Variants in AKR1D1 observed in about 807,000 individuals in gnomAD.
The protein encoded by AKR1D1 is delta(4)-3-ketosteroid 5-beta-reductase.
In AKR1D1, 32 loss-of-function variants were observed where a neutral mutation model predicts 42.6. The ratio of observed to expected loss-of-function variants is 0.75; its 90% confidence interval spans 0.57 to 1.01. The LOEUF is 1.01. Among genes scored for constraint, AKR1D1 ranks in the 50% least tolerant of loss-of-function variants. The pLI is 0.00. For synonymous variants in AKR1D1, 123 were observed against 135.5 expected, an observed-to-expected ratio of 0.91 and a Z score of 0.64; for missense variants, 364 against 402.2, an observed-to-expected ratio of 0.91 and a Z score of 0.81.
intron 4 of AKR1D1, among the ~76,000 whole-genome samples, chr7:138,101,178 T>A (rs1359711326): frequency 4.5e-5 from 1 of 22,408 alleles, no homozygotes; most frequent in African/African-American, 2.1e-4. Context: ...CCTCCCTCCC[T>A]CCCTCCCTCC....
chr7:138,102,288 GC>G (rs1392193549), intron 4 of AKR1D1, among the ~76,000 whole-genome samples: 7 of 128,364 alleles, frequency 5.5e-5, no homozygotes, highest in Non-Finnish European at 1.1e-4. Flanking sequence ...AAGAGCAATA[GC>G]CAAGCACAGT....
At chr7:138,082,072 C>T (rs983294959) in intron 1 of AKR1D1, among the ~76,000 whole-genome samples, 35 of 152,174 alleles carry the variant, frequency 2.3e-4, no homozygotes, top group African/African-American at 8.2e-4. Context: ...GCAGCTTCTG[C>T]GTCATTTTCA....
Position 138,076,481 on chromosome 7 carries a change from T to C in AKR1D1, c.-38T>C. The C allele has an allele frequency of 6.5e-7, 1 of 1,547,868 alleles. No individual in the cohort carries two copies. The highest frequency in any genetic ancestry group is 8.9e-7 in the Non-Finnish European group (1 of 1,120,300). ...GACACCTTTCTAAAAAGACTCCCTG[T>C]GGTGTTCAGAATCACTCCTACAGTC... is the stretch of plus-strand genomic sequence containing the variant. On this transcript the variant is annotated 5_prime_UTR_variant, in exon 1 of 9. Coordinates refer to ENST00000242375, the MANE Select transcript of AKR1D1 (RefSeq NM_005989.4).
intron 1 of AKR1D1, among the ~76,000 whole-genome samples, chr7:138,081,108 T>C (rs1803047229): frequency 6.6e-6 from 1 of 152,210 alleles, no homozygotes; most frequent in African/African-American, 2.4e-5. Context: ...CAGCCTTACA[T>C]AGTATATCTA....
intron 4 of AKR1D1, among the ~76,000 whole-genome samples, chr7:138,103,091 A>G (rs1794349550): frequency 6.6e-6 from 1 of 152,192 alleles, no homozygotes; most frequent in African/African-American, 2.4e-5. Context: ...TAACTCACCA[A>G]ACTAGAAGGC....
At chr7:138,088,563 T>G (rs1793984310) in intron 1 of AKR1D1, 38 bp from the exon 2 acceptor site, 1 of 1,609,244 alleles carries the variant, frequency 6.2e-7, no homozygotes, top group Non-Finnish European at 8.5e-7. Context: ...GAAAGACCAT[T>G]TCTCTTTTCC....
At chr7:138,093,640 A>T (rs1794129247) in intron 3 of AKR1D1, among the ~76,000 whole-genome samples, 1 of 152,200 alleles carries the variant, frequency 6.6e-6, no homozygotes, top group African/African-American at 2.4e-5. Flanking sequence ...CCCTCCTGAA[A>T]GACCTGCCTG....
At chr7:138,083,015 T>C (rs1803089027) in intron 1 of AKR1D1, among the ~76,000 whole-genome samples, 1 of 152,246 alleles carries the variant, frequency 6.6e-6, no homozygotes, top group Non-Finnish European at 1.5e-5. Context: ...CCTTTGGATA[T>C]ATACCCTGAA....
At chr7:138,116,449 G>A (rs1473348718) in intron 8 of AKR1D1, among the ~76,000 whole-genome samples, 171 bp from the exon 9 acceptor site, 1 of 152,184 alleles carries the variant, frequency 6.6e-6, no homozygotes, top group Admixed American at 6.5e-5. Flanking sequence ...AGAGCTTCAG[G>A]AAAAGGTGCT....
chr7:138,117,236 G>T lies in AKR1D1; in HGVS notation c.*574G>T, dbSNP rs1585746807. The T allele has an allele frequency of 6.5e-6, 1 of 153,118 alleles. No homozygotes were observed. The highest frequency in any genetic ancestry group is 1.5e-5 in the Non-Finnish European group (1 of 68,390). The allele number at this position is 153,118 out of a possible 1,614,324, so 9.5% of individuals were successfully genotyped here. On this transcript the variant is annotated 3_prime_UTR_variant, in exon 9 of 9. Coordinates refer to ENST00000242375, the MANE Select transcript of AKR1D1 (RefSeq NM_005989.4). ...TGGTCAACAAAGCCATCATAATGTT[G>T]GTGTTTGTTTCCCTCCAATGTATGT...
At chr7:138,091,090 T>C (rs1434132528) in intron 2 of AKR1D1, among the ~76,000 whole-genome samples, 2 of 152,166 alleles carry the variant, frequency 1.3e-5, no homozygotes, top group Non-Finnish European at 2.9e-5. Context: ...TAACCCTAGT[T>C]ATACAATGAG....
At chr7:138,105,150 G>A (rs1794394603) in intron 4 of AKR1D1, among the ~76,000 whole-genome samples, 157 bp from the exon 5 acceptor site, 2 of 151,878 alleles carry the variant, frequency 1.3e-5, no homozygotes, top group South Asian at 2.1e-4. Flanking sequence ...TAGAATTACT[G>A]CCTTTTCCCA....
Position 138,078,994 on chromosome 7 carries a change from T to G in AKR1D1, c.93+2383T>G, listed in dbSNP as rs535212356. On this transcript the variant is annotated intron_variant, in intron 1 of 8. Transcript: ENST00000242375. Reference sequence around the variant, plus strand: ...GCCATCCTTTAAACATTCCTTTTATTTTATTTATTTTATTTTTATTAGAGG... The same window carrying G: ...GCCATCCTTTAAACATTCCTTTTATGTTATTTATTTTATTTTTATTAGAGG... Among the ~76,000 whole-genome samples the G allele has an allele frequency of 6.6e-5, 10 of 152,218 alleles. No homozygotes were observed. The South Asian group carries it at 2.1e-3, about 32-fold the overall frequency.
chr7:138,106,374 A>C (rs966219823), intron 5 of AKR1D1, among the ~76,000 whole-genome samples: 3 of 152,238 alleles, frequency 2.0e-5, no homozygotes, highest in African/African-American at 4.8e-5. Context: ...ATGATTAAAT[A>C]AGTTACAAGA....
At chr7:138,113,402 A>G in intron 7 of AKR1D1, among the ~76,000 whole-genome samples, 1 of 152,206 alleles carries the variant, frequency 6.6e-6, no homozygotes, top group East Asian at 1.9e-4. Flanking sequence ...CATTTCATAC[A>G]GAAATAAGAA....
intron 1 of AKR1D1, among the ~76,000 whole-genome samples, chr7:138,086,173 A>G (rs1339578122): frequency 6.6e-6 from 1 of 152,128 alleles, no homozygotes; most frequent in East Asian, 1.9e-4. Context: ...ATTGCACTCC[A>G]GCCTGGGTGA....
chr7:138,085,598 C>A (rs140765476), intron 1 of AKR1D1, among the ~76,000 whole-genome samples: 2,885 of 152,088 alleles, frequency 0.019, 104 homozygotes, highest in African/African-American at 0.066. Flanking sequence ...GTGTCTACCA[C>A]CACGCCTGGC....
chr7:138,084,835 A>G (rs971884583), intron 1 of AKR1D1, among the ~76,000 whole-genome samples: 10 of 152,056 alleles, frequency 6.6e-5, no homozygotes, highest in Non-Finnish European at 1.3e-4. Flanking sequence ...AGGCGGGCAG[A>G]TCACAAGGTC....
At chr7:138,090,130 A>T (rs1159547897) in intron 2 of AKR1D1, among the ~76,000 whole-genome samples, 2 of 152,200 alleles carry the variant, frequency 1.3e-5, no homozygotes, top group African/African-American at 4.8e-5. Context: ...AGAAAGTAAA[A>T]TAAATATCAA....
Sources: gnomAD v4.1 joint callset for allele counts (sites outside exome capture counted in the v4.1 genomes callset) on GRCh38, gnomAD v4.1.1 for gene constraint, MANE v1.5 for transcripts, NCBI Gene and HGNC (gene_info 2026-07-23, HGNC 2026-07-21) for gene names.